CCDC66: variants seen among roughly 807,000 people sequenced by gnomAD.
CCDC66 encodes coiled-coil domain containing 66, also known as coiled-coil domain-containing protein 66.
A neutral mutation model predicts 128.3 loss-of-function variants in CCDC66; 133 were observed. That is an observed-to-expected ratio of 1.04 (90% CI 0.90 to 1.20). The LOEUF (loss-of-function observed/expected upper bound fraction) is 1.20. Ranked by LOEUF, CCDC66 falls within the 50% of genes most tolerant of loss-of-function variation. The pLI, the probability that CCDC66 is intolerant of heterozygous loss-of-function variation, is 0.00. For synonymous variants in CCDC66, 387 were observed against 357.0 expected (o/e 1.08, Z -0.95); for missense variants, 1,126 against 1,075.5 (o/e 1.05, Z -0.66).
chr3:56,572,500 A>C (rs2066771864), intron 7 of CCDC66: 14 of 610,016 alleles, frequency 2.3e-5, no homozygotes, highest in Non-Finnish European at 3.3e-5. Flanking sequence ...TTTTCCTTGA[A>C]GGAGAGAATC....
chr3:56,596,149 C>G (rs1054078381), intron 10 of CCDC66, among the ~76,000 whole-genome samples: 2 of 152,164 alleles, frequency 1.3e-5, no homozygotes. Flanking sequence ...GAGCTCCTTG[C>G]CTCAAACAGT....
At chr3:56,582,186 G>T (rs2068508269) in intron 7 of CCDC66, among the ~76,000 whole-genome samples, 1 of 151,924 alleles carries the variant, frequency 6.6e-6, no homozygotes. Context: ...AGTGAGCGAG[G>T]CTCCGTGGGC....
intron 4 of CCDC66, 34 bp from the exon 5 acceptor site, chr3:56,566,560 G>C (rs868747716): frequency 7.5e-7 from 1 of 1,330,592 alleles, no homozygotes; most frequent in Non-Finnish European, 1.1e-6. Flanking sequence ...ATGTAATTTA[G>C]TGTTAATTTT....
intron 7 of CCDC66, among the ~76,000 whole-genome samples, chr3:56,577,698 T>G (rs1298649425): frequency 3.3e-5 from 5 of 151,896 alleles, no homozygotes; most frequent in Admixed American, 2.6e-4. Context: ...TTGCTTGTTT[T>G]TGTCAGGTTT....
Position 56,559,000 on chromosome 3 carries a change from AG to A in CCDC66, c.76+91del, listed in dbSNP as rs1210199492. The A allele has an allele frequency of 8.0e-6, 7 of 878,078 alleles. No individual in the cohort carries two copies. The Admixed American group carries it at 1.2e-4, about 14-fold the overall frequency. 54.4% of individuals were successfully genotyped at this position (878,078 alleles called of 1,614,324 possible). On this transcript the variant is annotated intron_variant, in intron 2 of 17. Coordinates refer to ENST00000394672, the MANE Select transcript of CCDC66 (RefSeq NM_001141947.3). ...TCAACAGACTTTTTGCTTGTAATAG[AG>A]TGATATTTAAATGATATTTTAGAAA...
intron 4 of CCDC66, among the ~76,000 whole-genome samples, chr3:56,564,710 C>T (rs2065558045): frequency 6.6e-6 from 1 of 152,132 alleles, no homozygotes; most frequent in Admixed American, 6.5e-5. Flanking sequence ...CTAATTTCCA[C>T]TTTGGGATAA....
chr3:56,573,549 CA>C (rs2066919957), intron 7 of CCDC66, among the ~76,000 whole-genome samples: 1 of 152,194 alleles, frequency 6.6e-6, no homozygotes, highest in African/African-American at 2.4e-5. Context: ...TATGCCCCTT[CA>C]TGGGTCCCAT....
chr3:56,573,903 T>A (rs2066990342), intron 7 of CCDC66, among the ~76,000 whole-genome samples: 4 of 85,888 alleles, frequency 4.7e-5, no homozygotes, highest in African/African-American at 1.4e-4. Context: ...TATCTTTTTT[T>A]AAATAACTAA....
intron 7 of CCDC66, among the ~76,000 whole-genome samples, chr3:56,583,017 A>G (rs951611732): frequency 6.6e-6 from 1 of 151,276 alleles, no homozygotes; most frequent in East Asian, 2.0e-4. Flanking sequence ...AGCTGGGACT[A>G]CAGGTACCTG....
chr3:56,584,765 A>G (rs1332532664), intron 7 of CCDC66, among the ~76,000 whole-genome samples: 4 of 151,902 alleles, frequency 2.6e-5, no homozygotes, highest in Admixed American at 1.3e-4. Context: ...GGTTGTAGCT[A>G]GCCGAGATCA....
chr3:56,575,922 T>G (rs2107928717), intron 7 of CCDC66, among the ~76,000 whole-genome samples: 1 of 151,958 alleles, frequency 6.6e-6, no homozygotes, highest in African/African-American at 2.4e-5. Flanking sequence ...CTCTATTCCA[T>G]TAGTCTGTCT....
In CCDC66 at chr3:56,617,324, A is replaced by G. The variant is rs1296699495; in HGVS notation, c.2056A>G (p.Arg686Gly). The G allele has an allele frequency of 6.2e-7, 1 of 1,612,852 alleles. No homozygotes were observed. Among genetic ancestry groups the G allele is most frequent in the Admixed American group, 1.7e-5 (1 of 59,738 alleles). The change falls in exon 14 of 18, where the codon AGA becomes GGA. Residue 686 changes from arginine (R) to glycine (G), a missense_variant. Transcript: ENST00000394672. ...RCNDQCNQFTRIEKQTKHMKK... is the reference protein window; with the variant it reads ...RCNDQCNQFTGIEKQTKHMKK... ...TAATGACCAGTGTAATCAGTTCACA[A>G]GAATAGAGAAACAAACAAAACACAT...
chr3:56,621,387 T>C (rs904426332), intron 17 of CCDC66, 145 bp from the exon 18 acceptor site: 4 of 519,888 alleles, frequency 7.7e-6, no homozygotes, highest in Non-Finnish European at 1.4e-5. Flanking sequence ...GGTGGTCTAG[T>C]ACAAGCATTT....
In CCDC66 at chr3:56,601,547, T is replaced by C. The variant is rs114656177; in HGVS notation, c.1404+7519T>C. 1.1e-3 allele frequency among the ~76,000 whole-genome samples: 164 copies of C among 152,226 alleles called. 5 individuals carry two copies. Among genetic ancestry groups the C allele is most frequent in the African/African-American group, 3.6e-3 (151 of 41,460 alleles). ...AGCTTGATGGGGATAGCATTGAATCTGTACATTACTTTGGGCAATATGGTC... is the reference window on the plus strand; with the variant it reads ...AGCTTGATGGGGATAGCATTGAATCCGTACATTACTTTGGGCAATATGGTC... On this transcript the variant is annotated intron_variant, in intron 10 of 17. Transcript: ENST00000394672.
At chr3:56,585,937 T>C (rs1409283868) in intron 7 of CCDC66, among the ~76,000 whole-genome samples, 1 of 151,866 alleles carries the variant, frequency 6.6e-6, no homozygotes, top group African/African-American at 2.4e-5. Flanking sequence ...CACAAAAGTC[T>C]CTAAGACATT....
chr3:56,619,685 T>TA, intron 16 of CCDC66, 92 bp from the exon 17 acceptor site: 6 of 1,509,168 alleles, frequency 4.0e-6, no homozygotes, highest in Non-Finnish European at 5.4e-6. Flanking sequence ...GATACATACT[T>TA]ATTATAATGA....
intron 17 of CCDC66, chr3:56,620,545 C>T (rs529025991): frequency 1.3e-5 from 2 of 152,266 alleles, no homozygotes; most frequent in Admixed American, 6.5e-5. Context: ...TTTTCCATGT[C>T]GTCATGTACC....
intron 10 of CCDC66, among the ~76,000 whole-genome samples, chr3:56,601,881 G>A (rs531803722): frequency 6.6e-6 from 1 of 152,040 alleles, no homozygotes; most frequent in South Asian, 2.1e-4. Flanking sequence ...TGAGACAATG[G>A]GGTTTTCTAA....
intron 10 of CCDC66, among the ~76,000 whole-genome samples, chr3:56,594,926 T>A (rs1559706438): frequency 1.3e-5 from 2 of 152,190 alleles, no homozygotes; most frequent in South Asian, 4.1e-4. Flanking sequence ...CAGTTTTTTT[T>A]AATACCATTT....
Sources: gnomAD v4.1 joint callset for allele counts (sites outside exome capture counted in the v4.1 genomes callset) on GRCh38, gnomAD v4.1.1 for gene constraint, MANE v1.5 for transcripts, NCBI Gene and HGNC (gene_info 2026-07-23, HGNC 2026-07-21) for gene names.